ADARB2: variants seen among roughly 807,000 people sequenced by gnomAD.
The protein encoded by ADARB2 is adenosine deaminase RNA specific B2 (inactive), also known as inactive double-stranded RNA-specific editase B2.
A neutral mutation model predicts 62.2 loss-of-function variants in ADARB2; 25 were observed. The observed-to-expected ratio is 0.40, with a 90% CI of 0.29 to 0.56. The LOEUF (loss-of-function observed/expected upper bound fraction) is 0.56, where lower values mean the gene tolerates loss of function less well. ADARB2 is among the 20% of genes least tolerant of loss of function. The probability of loss-of-function intolerance (pLI) is 0.43; values close to 1 mark genes in which losing one functional copy is unlikely to be tolerated. For synonymous variants in ADARB2, 572 were observed against 500.8 expected, an observed-to-expected ratio of 1.14 and a Z score of -1.90; for missense variants, 1,071 against 1,077.4, an observed-to-expected ratio of 0.99 and a Z score of 0.08.
In ADARB2 at chr10:1,583,541, A is replaced by T. The variant is rs1380023021; in HGVS notation, c.100+153510T>A. On this transcript the variant is annotated intron_variant, in intron 1 of 9. Coordinates refer to ENST00000381312, the MANE Select transcript of ADARB2 (RefSeq NM_018702.4). Reference sequence around the variant, plus strand: ...TGCTTAGGTATGAATCTAACGAATCATGTACAAGATATGAGGAAAACTACG... The same window carrying T: ...TGCTTAGGTATGAATCTAACGAATCTTGTACAAGATATGAGGAAAACTACG... 3.9e-5 allele frequency among the ~76,000 whole-genome samples: 6 copies of T among 152,248 alleles called. No individual in the cohort carries two copies. The South Asian group carries it at 6.2e-4, about 16-fold the overall frequency.
chr10:1,537,846 A>G (rs1832353718), intron 1 of ADARB2, among the ~76,000 whole-genome samples: 1 of 152,184 alleles, frequency 6.6e-6, no homozygotes, highest in East Asian at 1.9e-4. Context: ...CAGCATTAGG[A>G]CAAATACCTA....
At chr10:1,688,579 C>A (rs898694609) in intron 1 of ADARB2, among the ~76,000 whole-genome samples, 1 of 152,234 alleles carries the variant, frequency 6.6e-6, no homozygotes, top group Non-Finnish European at 1.5e-5. Context: ...AAGCAGCAGC[C>A]CAGCGGGGTC....
At chr10:1,678,215 C>T in intron 1 of ADARB2, 1 of 983,972 alleles carries the variant, frequency 1.0e-6, no homozygotes, top group Non-Finnish European at 1.2e-6. Flanking sequence ...TGAGTGGCCT[C>T]AGGGTGAGCG....
At chr10:1,641,750 C>T (rs935225952) in intron 1 of ADARB2, among the ~76,000 whole-genome samples, 6 of 152,224 alleles carry the variant, frequency 3.9e-5, no homozygotes, top group Non-Finnish European at 7.3e-5. Flanking sequence ...TGGCGGCTCA[C>T]ACCTGTCATC....
intron 1 of ADARB2, among the ~76,000 whole-genome samples, chr10:1,718,864 T>A (rs1835054695): frequency 6.6e-6 from 1 of 152,228 alleles, no homozygotes. Flanking sequence ...CCTTTCCATC[T>A]CAATTGATTG....
chr10:1,342,618 T>C (rs1832040924), intron 3 of ADARB2, among the ~76,000 whole-genome samples: 1 of 152,122 alleles, frequency 6.6e-6, no homozygotes, highest in African/African-American at 2.4e-5. Flanking sequence ...CTCAGCCTCA[T>C]CCAGCCCTGC....
chr10:1,430,574 T>C (rs1830767970), intron 1 of ADARB2, among the ~76,000 whole-genome samples: 2 of 152,242 alleles, frequency 1.3e-5, no homozygotes, highest in South Asian at 2.1e-4. Flanking sequence ...ACTGTATAAG[T>C]AGTAATTAAA....
At chr10:1,571,715 TGTGCTGGTG>T in intron 1 of ADARB2, among the ~76,000 whole-genome samples, 2 of 137,332 alleles carry the variant, frequency 1.5e-5, no homozygotes, top group African/African-American at 2.9e-5. Context: ...GACAGGTGAG[TGTGCTGGTG>T]AGTGTGCAGG....
intron 1 of ADARB2, among the ~76,000 whole-genome samples, chr10:1,458,100 C>T (rs1831119747): frequency 6.6e-6 from 1 of 152,144 alleles, no homozygotes; most frequent in Non-Finnish European, 1.5e-5. Context: ...TGGTTCTTTT[C>T]CCAGACGCAT....
chr10:1,509,066 C>T (rs905195241), intron 1 of ADARB2, among the ~76,000 whole-genome samples: 6 of 152,262 alleles, frequency 3.9e-5, no homozygotes, highest in East Asian at 1.9e-4. Flanking sequence ...CGGGAGGAGC[C>T]GGTCCATCTA....
rs533025338 is a variant in ADARB2, at chr10:1,260,125, T to A, written c.1192+10830A>T. ...ACCCTTCATGCTAAAAAAACCTCAATAAATTAGTTATTGATGGGACGTATC... is the reference window on the plus strand; with the variant it reads ...ACCCTTCATGCTAAAAAAACCTCAAAAAATTAGTTATTGATGGGACGTATC... On this transcript the variant is annotated intron_variant, in intron 4 of 9. Transcript: ENST00000381312. 2.8e-4 allele frequency among the ~76,000 whole-genome samples: 43 copies of A among 152,164 alleles called. 1 individual carries two copies. The South Asian group carries it at 8.5e-3, about 30-fold the overall frequency.
At chr10:1,391,766 ATTTTTTTTT>A (rs60956446) in intron 1 of ADARB2, among the ~76,000 whole-genome samples, 3 of 91,646 alleles carry the variant, frequency 3.3e-5, no homozygotes, top group South Asian at 4.2e-4. Flanking sequence ...TAAGAATTGG[ATTTTTTTTT>A]TTTTTTTTTT....
At chr10:1,681,110 C>T (rs1359672733) in intron 1 of ADARB2, among the ~76,000 whole-genome samples, 12 of 152,150 alleles carry the variant, frequency 7.9e-5, no homozygotes, top group South Asian at 4.2e-4. Flanking sequence ...AATGTAAGGA[C>T]GCAGCAACCT....
chr10:1,365,439 CTAAG>C (rs1402424415), intron 2 of ADARB2, among the ~76,000 whole-genome samples: 2 of 152,072 alleles, frequency 1.3e-5, no homozygotes, highest in Non-Finnish European at 2.9e-5. Context: ...GCAGTTGCCC[CTAAG>C]TGTTTAGTGA....
intron 1 of ADARB2, among the ~76,000 whole-genome samples, chr10:1,709,386 A>C (rs1834926382): frequency 6.6e-6 from 1 of 152,222 alleles, no homozygotes; most frequent in Non-Finnish European, 1.5e-5. Flanking sequence ...CATAAAAATT[A>C]GAAAGAATCC....
chr10:1,439,131 C>G (rs930639044), intron 1 of ADARB2, among the ~76,000 whole-genome samples: 1 of 146,402 alleles, frequency 6.8e-6, no homozygotes, highest in African/African-American at 2.6e-5. Flanking sequence ...GCTTCTGAGT[C>G]TCTCCCAGGA....
chr10:1,487,912 A>G (rs1831564611), intron 1 of ADARB2, among the ~76,000 whole-genome samples: 1 of 152,136 alleles, frequency 6.6e-6, no homozygotes, highest in South Asian at 2.1e-4. Context: ...AAAGGAAACA[A>G]ACAAACAAAC....
chr10:1,553,445 C>A (rs1054388978), intron 1 of ADARB2, among the ~76,000 whole-genome samples: 8 of 152,144 alleles, frequency 5.3e-5, no homozygotes, highest in African/African-American at 1.7e-4. Flanking sequence ...AAACGTTTGG[C>A]CTGCTCCCAG....
intron 1 of ADARB2, among the ~76,000 whole-genome samples, chr10:1,577,583 G>A (rs1833038502): frequency 6.6e-6 from 1 of 152,230 alleles, no homozygotes. Flanking sequence ...TGGCAGCTGT[G>A]AACGTGCCAG....
Sources: gnomAD v4.1 joint callset for allele counts (sites outside exome capture counted in the v4.1 genomes callset) on GRCh38, gnomAD v4.1.1 for gene constraint, MANE v1.5 for transcripts, NCBI Gene and HGNC (gene_info 2026-07-23, HGNC 2026-07-21) for gene names.